Variants in ZNF91 observed in about 807,000 individuals in gnomAD.
The protein encoded by ZNF91 is zinc finger protein 91 (HPF7, HTF10).
Under a neutral mutation model 12.6 loss-of-function variants are expected in ZNF91, and 7 were observed. That is an observed-to-expected ratio of 0.55 (90% confidence interval 0.31 to 1.04). ZNF91 has a LOEUF of 1.04. Ranked by LOEUF, ZNF91 falls within the 50% of genes least tolerant of loss-of-function variation. The pLI is 0.05. For synonymous variants in ZNF91, 453 were observed against 462.6 expected (o/e 0.98, Z 0.27); for missense variants, 1,217 against 1,385.4 (o/e 0.88, Z 1.93).
At chr19:23,345,027 G>C (rs563896281) in intron 3 of ZNF91, among the ~76,000 whole-genome samples, 19 of 152,314 alleles carry the variant, frequency 1.2e-4, no homozygotes, top group African/African-American at 4.6e-4. Context: ...AATCCACACA[G>C]CCTCTCTTGC....
chr19:23,328,647 G>A (rs1392681224), intron 1 of ZNF91: 1 of 152,210 alleles, frequency 6.6e-6, no homozygotes. Flanking sequence ...AATAGACCAG[G>A]TAGAAGGAAA....
At chr19:23,385,108 G>C (rs758038802) in intron 1 of ZNF91, 1 of 812,896 alleles carries the variant, frequency 1.2e-6, no homozygotes, top group Non-Finnish European at 2.1e-6. Context: ...CAACCTGTCC[G>C]AACAGTACCC....
In ZNF91 at chr19:23,320,275, C is replaced by T. The variant is rs572505096; in HGVS notation, n.117-11178G>A. 5.9e-5 allele frequency among the ~76,000 whole-genome samples: 9 copies of T among 152,306 alleles called. No homozygotes were observed. The South Asian group carries it at 1.9e-3, about 32-fold the overall frequency. On this transcript the variant is annotated intron_variant and non_coding_transcript_variant, in intron 1 of 1. Transcript: ENST00000596528. ...AATTGGGGAGGTGTTGACTCTCATA[C>T]CTGAGCTTAGACTGACACGTACAAT... is the stretch of plus-strand genomic sequence containing the variant.
upstream of ZNF91, among the ~76,000 whole-genome samples, chr19:23,314,150 T>A (rs907751850): frequency 4.6e-5 from 7 of 152,168 alleles, no homozygotes; most frequent in African/African-American, 1.4e-4. Context: ...CCACATTGCA[T>A]CTTGTGACAT....
intron 1 of ZNF91, among the ~76,000 whole-genome samples, chr19:23,331,513 G>A (rs949346473): frequency 2.6e-5 from 4 of 152,332 alleles, no homozygotes; most frequent in Non-Finnish European, 4.4e-5. Context: ...TCAGGAAAGC[G>A]GATGCTGTGC....
intron 1 of ZNF91, among the ~76,000 whole-genome samples, chr19:23,379,878 C>T (rs1454514895): frequency 6.6e-6 from 1 of 152,296 alleles, no homozygotes; most frequent in Non-Finnish European, 1.5e-5. Flanking sequence ...CACTGTGGTA[C>T]AGCCCACAGC....
intron 3 of ZNF91, among the ~76,000 whole-genome samples, chr19:23,344,821 G>A (rs1410255522): frequency 1.3e-5 from 2 of 152,192 alleles, no homozygotes; most frequent in African/African-American, 2.4e-5. Context: ...CACCAGCAGC[G>A]TGCGTCAGCA....
At chr19:23,336,416 G>A (rs1190329024), downstream of ZNF91, among the ~76,000 whole-genome samples, 1 of 152,200 alleles carries the variant, frequency 6.6e-6, no homozygotes, top group Non-Finnish European at 1.5e-5. Context: ...GGCTGGATCA[G>A]GTATGGATGT....
rs546445672 is a variant in ZNF91 at position 23,346,565 on chromosome 19, A to T, written c.254-7511T>A. On this transcript the variant is annotated intron_variant, in intron 3 of 3. Coordinates refer to the ZNF91 transcript ENST00000599743. Reference sequence around the variant, plus strand: ...ACTGACGCCATGAGAAAGTATACCAACGTAGACCCAGCTATCCCAGAAGGA... The same window carrying T: ...ACTGACGCCATGAGAAAGTATACCATCGTAGACCCAGCTATCCCAGAAGGA... Among the ~76,000 whole-genome samples the T allele has an allele frequency of 3.3e-5, 5 of 152,254 alleles. No homozygotes were observed. The East Asian group carries it at 9.7e-4, about 29-fold the overall frequency.
At chr19:23,336,757 T>A (rs1968016165), downstream of ZNF91, among the ~76,000 whole-genome samples, 1 of 152,180 alleles carries the variant, frequency 6.6e-6, no homozygotes, top group Admixed American at 6.5e-5. Context: ...TCTGCCTAAA[T>A]TATTTATTTA....
At chr19:23,333,088 T>C (rs1409403822) in intron 1 of ZNF91, among the ~76,000 whole-genome samples, 2 of 152,200 alleles carry the variant, frequency 1.3e-5, no homozygotes, top group Non-Finnish European at 2.9e-5. Context: ...GGGGACTCTC[T>C]TATCTTTTGA....
intron 1 of ZNF91, among the ~76,000 whole-genome samples, chr19:23,319,630 C>T (rs1967642112): frequency 6.6e-6 from 1 of 152,208 alleles, no homozygotes; most frequent in Non-Finnish European, 1.5e-5. Flanking sequence ...ACCCTCCTAA[C>T]AGAAAAGATT....
downstream of ZNF91, among the ~76,000 whole-genome samples, chr19:23,337,141 TCTTA>T (rs1184774606): frequency 1.3e-5 from 2 of 152,132 alleles, no homozygotes; most frequent in African/African-American, 4.8e-5. Context: ...CACCCTACCT[TCTTA>T]CTCTTTCATG....
intron 3 of ZNF91, among the ~76,000 whole-genome samples, chr19:23,306,018 G>A (rs1164563073): frequency 6.6e-6 from 1 of 152,132 alleles, no homozygotes; most frequent in Non-Finnish European, 1.5e-5. Flanking sequence ...TGTCTTTGGA[G>A]GAACAATTTT....
chr19:23,373,971 G>T, intron 2 of ZNF91, 134 bp from the exon 3 acceptor site: 1 of 448,422 alleles, frequency 2.2e-6, no homozygotes, highest in Non-Finnish European at 3.7e-6. Flanking sequence ...TAACAGAAAT[G>T]TTTAAATATT....
At chr19:23,395,288 G>C (rs761364250) in intron 1 of ZNF91, 37 bp downstream of exon 1, 4 of 1,610,380 alleles carry the variant, frequency 2.5e-6, no homozygotes, top group African/African-American at 1.3e-5. Context: ...AACGAGCCCC[G>C]TTCCCTCTCT....
At chr19:23,323,149 G>T (rs1321637153) in intron 1 of ZNF91, among the ~76,000 whole-genome samples, 19 of 93,412 alleles carry the variant, frequency 2.0e-4, no homozygotes, top group East Asian at 8.6e-4. Flanking sequence ...CTTTTCCTTC[G>T]CCTCTCCTCC....
At chr19:23,390,174 G>A (rs1970012946) in intron 1 of ZNF91, among the ~76,000 whole-genome samples, 1 of 152,132 alleles carries the variant, frequency 6.6e-6, no homozygotes. Context: ...AAATTAGCCA[G>A]GCATGGTAGC....
intron 1 of ZNF91, among the ~76,000 whole-genome samples, chr19:23,390,075 G>A (rs760885601): frequency 4.6e-5 from 7 of 152,138 alleles, no homozygotes; most frequent in Non-Finnish European, 1.0e-4. Context: ...CCACCACTTC[G>A]GGAGGCTGAG....
Sources: allele counts gnomAD v4.1 joint callset (sites outside exome capture counted in the v4.1 genomes callset), GRCh38; gene constraint gnomAD v4.1.1; transcripts MANE v1.5; gene names NCBI Gene and HGNC (gene_info 2026-07-23, HGNC 2026-07-21).